CPAP: variants seen among roughly 807,000 people sequenced by gnomAD.
The protein encoded by CPAP is centrosome assembly and centriole elongation protein.
chr13:24,922,840 T>TCGCCGCCTCTGTCGGAGCCC, the CPAP span: 1 of 152,658 alleles, frequency 6.6e-6, no homozygotes, highest in Non-Finnish European at 1.5e-5. Context: ...GCCGCCACAA[T>TCGCCGCCTCTGTCGGAGCCC]CGCCGCCTCT....
chr13:24,906,155 G>T, the CPAP span: 1 of 1,613,742 alleles, frequency 6.2e-7, no homozygotes, highest in Non-Finnish European at 8.5e-7. Context: ...AATGGGATCT[G>T]CCGGATTTGT....
At chr13:24,912,847 T>C in the CPAP span, 1 of 1,614,210 alleles carries the variant, frequency 6.2e-7, no homozygotes, top group Admixed American at 1.7e-5. Flanking sequence ...ATCAGAAAAA[T>C]GTGTGCCTTT....
chr13:24,892,929 G>A, the CPAP span: 3 of 1,143,788 alleles, frequency 2.6e-6, no homozygotes, highest in Non-Finnish European at 3.9e-6. Flanking sequence ...TAAAACAATA[G>A]AAGAATAGAG....
At chr13:24,917,255 A>G in the CPAP span, among the ~76,000 whole-genome samples, 1 of 152,190 alleles carries the variant, frequency 6.6e-6, no homozygotes, top group Non-Finnish European at 1.5e-5. Context: ...CTGTCTCAAA[A>G]ATAAATAAAT....
chr13:24,897,088 A>T, the CPAP span, among the ~76,000 whole-genome samples: 4 of 152,216 alleles, frequency 2.6e-5, no homozygotes, highest in Non-Finnish European at 5.9e-5. Flanking sequence ...AGAACTAAAA[A>T]TTAATTAGCC....
chr13:24,892,700 C>A, the CPAP span: 15 of 1,614,026 alleles, frequency 9.3e-6, no homozygotes, highest in Non-Finnish European at 1.3e-5. Context: ...CTGCTCTCTT[C>A]CAGGCATCCA....
chr13:24,883,301 C>T, the CPAP span: 5 of 1,613,772 alleles, frequency 3.1e-6, no homozygotes, highest in East Asian at 4.5e-5. Context: ...TGGGTATTCC[C>T]GTCTCTTGAA....
the CPAP span, among the ~76,000 whole-genome samples, chr13:24,886,663 A>G: frequency 6.6e-6 from 1 of 152,194 alleles, no homozygotes; most frequent in African/African-American, 2.4e-5. Context: ...CAAGAATGTC[A>G]TGCTTCACCC....
chr13:24,906,438 T>C, the CPAP span: 1 of 1,613,534 alleles, frequency 6.2e-7, no homozygotes. Context: ...GCCAGCCGGC[T>C]GGCCGGCCCT....
the CPAP span, chr13:24,903,892 C>A: frequency 6.2e-7 from 1 of 1,609,004 alleles, no homozygotes; most frequent in East Asian, 2.2e-5. Flanking sequence ...TGAGTCACTG[C>A]ATATTTTTTC....
At chr13:24,901,366 G>A in the CPAP span, among the ~76,000 whole-genome samples, 2 of 152,190 alleles carry the variant, frequency 1.3e-5, no homozygotes. Context: ...AACTTTAGCA[G>A]GTGAAAGATG....
At chr13:24,882,331 GATTTC>G in the CPAP span, 69 of 151,504 alleles carry the variant, frequency 4.6e-4, no homozygotes, top group Admixed American at 1.4e-3. Context: ...GGAATTGATA[GATTTC>G]ATTAACAAAA....
chr13:24,927,708 G>A, the CPAP span, among the ~76,000 whole-genome samples: 94 of 152,290 alleles, frequency 6.2e-4, no homozygotes, highest in East Asian at 4.2e-3. Flanking sequence ...TGTCAGTATC[G>A]TGTAAATAAG....
the CPAP span, chr13:24,905,603 A>G: frequency 3.1e-6 from 5 of 1,614,020 alleles, no homozygotes; most frequent in Admixed American, 1.7e-5. Flanking sequence ...ATTCCCAAGA[A>G]CAACATCATG....
At chr13:24,920,705 C>T in the CPAP span, among the ~76,000 whole-genome samples, 240 of 149,566 alleles carry the variant, frequency 1.6e-3, 1 homozygote, top group African/African-American at 5.6e-3. Flanking sequence ...ACTGCAACCT[C>T]AGCCTCCCGG....
chr13:24,928,858 T>G, the CPAP span, among the ~76,000 whole-genome samples: 1 of 152,218 alleles, frequency 6.6e-6, no homozygotes, highest in South Asian at 2.1e-4. Context: ...CTAATGGGTC[T>G]GTACAACAAA....
At chr13:24,913,827 A>G in the CPAP span, among the ~76,000 whole-genome samples, 5 of 152,244 alleles carry the variant, frequency 3.3e-5, no homozygotes, top group Non-Finnish European at 7.3e-5. Context: ...ATAACTCTGT[A>G]TGAATTATCA....
At chr13:24,911,857 C>G in the CPAP span, 1 of 1,509,226 alleles carries the variant, frequency 6.6e-7, no homozygotes, top group Non-Finnish European at 9.2e-7. Context: ...GTTCACAACA[C>G]ATGATACAGG....
chr13:24,919,771 T>C, the CPAP span, among the ~76,000 whole-genome samples: 1 of 151,654 alleles, frequency 6.6e-6, no homozygotes, highest in African/African-American at 2.4e-5. Context: ...TTACTTTTTT[T>C]CTTTTTTTCT....
Sources: gnomAD v4.1 joint callset for allele counts (sites outside exome capture counted in the v4.1 genomes callset) on GRCh38, gnomAD v4.1.1 for gene constraint, MANE v1.5 for transcripts, NCBI Gene and HGNC (gene_info 2026-07-23, HGNC 2026-07-21) for gene names.